The following CD101 variants were observed in gnomAD, a reference collection of about 807,000 sequenced individuals.
The protein encoded by CD101 is immunoglobulin superfamily member 2.
CD101 carries 76 observed loss-of-function variants against 98.2 expected under a neutral mutation model. The ratio of observed to expected loss-of-function variants is 0.77; its 90% CI spans 0.64 to 0.94. CD101 has a LOEUF of 0.94. Ranked by LOEUF, CD101 falls within the 40% of genes least tolerant of loss-of-function variation. CD101 has a pLI of 0.00. For synonymous variants in CD101, 471 were observed against 472.7 expected (o/e 1.00, Z 0.05); for missense variants, 1,145 against 1,218.8 (o/e 0.94, Z 0.90).
rs1368364123 is a variant in CD101 at position 117,011,933 on chromosome 1, A to T, written c.808A>T (p.Thr270Ser). The T allele has an allele frequency of 6.2e-7, 1 of 1,613,668 alleles. No homozygotes were observed. The highest frequency in any genetic ancestry group is 8.5e-7 in the Non-Finnish European group (1 of 1,179,702). ...ETWMFITKKQ[T>S]DQTTLRIQPA... is the part of the protein sequence containing the mutation. ...TTGGATGTTCATCACCAAAAAGCAG[A>T]CCGATCAAACCACTCTGAGGATCCA... is the stretch of plus-strand genomic sequence containing the variant. Residue 270 changes from threonine to serine, a missense_variant, in exon 3 of 10, where the codon ACC (threonine) becomes TCC (serine). Thr to Ser is a moderately conservative substitution (Grantham distance 58). Transcript: ENST00000682167.
At chr1:117,028,935 T>A (rs1265558270) in intron 8 of CD101, among the ~76,000 whole-genome samples, 1 of 151,624 alleles carries the variant, frequency 6.6e-6, no homozygotes, top group Non-Finnish European at 1.5e-5. Context: ...GCAAAAGTTG[T>A]CAAAAAAAAG....
chr1:117,004,301 G>T lies in CD101; in HGVS notation c.43+2441G>T, dbSNP rs2101109706. 6.6e-6 allele frequency among the ~76,000 whole-genome samples: 1 copy of T among 152,272 alleles called. No individual in the cohort carries two copies. The highest frequency in any genetic ancestry group is 2.4e-5 in the African/African-American group (1 of 41,556). ...GAGAAAGAAGCTGCTTGTTATGTTG[G>T]CTATTCCTGAGGTAGGTTTTGTATA... On this transcript the variant is annotated intron_variant, in intron 1 of 9. Transcript: ENST00000682167. The surrounding 1 kb of genome is among the most constrained non-coding windows in gnomAD (Gnocchi z 4.1).
At position 117,018,795 on chromosome 1, in the gene CD101, A is replaced by G. The variant is rs1557772404; in HGVS notation, c.2017+235A>G. 1.3e-5 allele frequency among the ~76,000 whole-genome samples: 2 copies of G among 151,976 alleles called. No homozygotes were observed. The highest frequency in any genetic ancestry group is 2.9e-5 in the Non-Finnish European group (2 of 68,002). ...CCATGCTGGCTAATTGCTGCTCTCTACCCATTCCCCATTTTCCCCTAAGTT... is the reference window on the plus strand; with the variant it reads ...CCATGCTGGCTAATTGCTGCTCTCTGCCCATTCCCCATTTTCCCCTAAGTT... On this transcript the variant is annotated intron_variant, in intron 6 of 9. Coordinates refer to ENST00000682167, the MANE Select transcript of CD101 (RefSeq NM_001256106.3). This position sits in a 1 kb window ranked among gnomAD's most constrained non-coding sequence, Gnocchi z 4.3.
At chr1:117,026,676 T>C (rs2101149229) in intron 8 of CD101, 1 of 152,340 alleles carries the variant, frequency 6.6e-6, no homozygotes, top group East Asian at 1.9e-4. Flanking sequence ...GTATACAGTC[T>C]GTGATGAAAA....
At chr1:117,008,476 T>A (rs1052340736) in intron 1 of CD101, among the ~76,000 whole-genome samples, 54 of 151,416 alleles carry the variant, frequency 3.6e-4, no homozygotes, top group African/African-American at 2.4e-5. Context: ...AAAAAAAAAA[T>A]TATTACTAGA....
In CD101 at chr1:117,025,813, G is replaced by A. The variant is rs1259438139; in HGVS notation, c.2733G>A (p.Val911=). ...ATGCAGGAATGTACTGGTGTAGGGT[G>A]GCAGAGTGGCAGCTCCATGGACACC... The part of the protein sequence containing the change: ...MEDAGMYWCR[V]AEWQLHGHPS... Residue 911 remains valine, a synonymous_variant, in exon 8 of 10, where the codon GTG becomes GTA. Coordinates refer to ENST00000682167, the MANE Select transcript of CD101 (RefSeq NM_001256106.3). 3 of 1,614,156 alleles carry A rather than the reference G, an allele frequency of 1.9e-6. No homozygotes were observed. The highest frequency in any genetic ancestry group is 1.7e-6 in the Non-Finnish European group (2 of 1,180,032).
At chr1:117,002,082 C>T (rs1417722068) in intron 1 of CD101, among the ~76,000 whole-genome samples, 2 of 152,190 alleles carry the variant, frequency 1.3e-5, no homozygotes, top group Non-Finnish European at 2.9e-5. Context: ...GCACAAGATT[C>T]CATTGGTTTT....
At position 117,018,158 on chromosome 1, in the gene CD101, T is replaced by G; in HGVS notation, c.1615T>G (p.Ser539Ala). 1 of 1,578,726 alleles carries G rather than the reference T, an allele frequency of 6.3e-7. No homozygotes were observed. Among genetic ancestry groups the G allele is most frequent in the Non-Finnish European group, 8.6e-7 (1 of 1,161,438 alleles). Residue 539 changes from serine to alanine, a missense_variant and splice_region_variant, in exon 6 of 10, where the codon TCA (serine) becomes GCA (alanine). Physicochemically the swap from Ser to Ala is moderately conservative, Grantham distance 99. Coordinates refer to ENST00000682167, the MANE Select transcript of CD101 (RefSeq NM_001256106.3). The surrounding 1 kb of genome is among the most constrained non-coding windows in gnomAD (Gnocchi z 4.3). The stretch of plus-strand genomic sequence containing the variant: ...TTCTGTTTCATTTTTCTGTCTAGAG[T>G]CAAGTTTACAAGTTAGTCTGATGAG... ...KISVTVKSLE[S>A]SLQVSLMSRQ...
intron 3 of CD101, 142 bp from the exon 4 acceptor site, chr1:117,013,264 G>A (rs998971360): frequency 1.0e-5 from 10 of 986,592 alleles, no homozygotes; most frequent in African/African-American, 8.1e-5. Context: ...GTTTTTTTTG[G>A]GTTTACCTAC....
chr1:117,013,214 T>G (rs1381282622), intron 3 of CD101, among the ~76,000 whole-genome samples, 192 bp from the exon 4 acceptor site: 1 of 152,192 alleles, frequency 6.6e-6, no homozygotes, highest in Non-Finnish European at 1.5e-5. Context: ...TCTGGGTGAT[T>G]TAAGGAAGAG....
chr1:117,028,868 G>C (rs1187072005), intron 8 of CD101, among the ~76,000 whole-genome samples: 4 of 152,154 alleles, frequency 2.6e-5, no homozygotes, highest in Non-Finnish European at 5.9e-5. Flanking sequence ...GCACATCAAT[G>C]CAGATTGCTC....
rs1652430544 is a variant in CD101 at position 117,004,738 on chromosome 1, G to T, written c.43+2878G>T. On this transcript the variant is annotated intron_variant, in intron 1 of 9. Transcript: ENST00000682167. This position sits in a 1 kb window ranked among gnomAD's most constrained non-coding sequence, Gnocchi z 4.1. ...GCCCCAGTGCATAGCCATTTGAGTT[G>T]ATCTCTGCCAGTCATGCCTTCTACC... Among the ~76,000 whole-genome samples the T allele has an allele frequency of 6.6e-6, 1 of 152,012 alleles. No individual in the cohort carries two copies. Among genetic ancestry groups the T allele is most frequent in the South Asian group, 2.1e-4 (1 of 4,814 alleles).
chr1:117,021,885 A>G lies in CD101; in HGVS notation c.2330A>G (p.His777Arg). The G allele has an allele frequency of 6.2e-7, 1 of 1,614,024 alleles. No homozygotes were observed. Among genetic ancestry groups the G allele is most frequent in the Non-Finnish European group, 8.5e-7 (1 of 1,179,908 alleles). Residue 777 changes from histidine (H) to arginine (R), a missense_variant, in exon 7 of 10, where the codon CAC (histidine) becomes CGC (arginine). Transcript: ENST00000682167. This position sits in a 1 kb window ranked among gnomAD's most constrained non-coding sequence, Gnocchi z 4.7. Reference protein sequence around the residue: ...NVEDSDRGKYHCAVEEWLLST... With the variant: ...NVEDSDRGKYRCAVEEWLLST... ...GAAGACAGCGATCGGGGCAAATATC[A>G]CTGTGCTGTGGAGGAATGGCTCCTG...
intron 9 of CD101, chr1:117,034,344 C>T (rs1261688466): frequency 3.8e-6 from 2 of 520,818 alleles, no homozygotes; most frequent in Non-Finnish European, 6.9e-6. Flanking sequence ...CATTACCCTA[C>T]ATCTCTTGAA....
Position 117,010,030 on chromosome 1 carries a change from C to A in CD101, c.224C>A (p.Thr75Asn). The change falls in exon 2 of 10, where the codon ACC becomes AAC. Residue 75 changes from threonine to asparagine, a missense_variant. Transcript: ENST00000682167. This position sits in a 1 kb window ranked among gnomAD's most constrained non-coding sequence, Gnocchi z 5.2. ...NPTQEVQIISTKDAAFSYAVY... is the reference protein window; with the variant it reads ...NPTQEVQIISNKDAAFSYAVY... ...ACCCAGGAAGTCCAGATCATTAGCACCAAGGATGCTGCCTTCTCTTACGCA... is the reference window on the plus strand; with the variant it reads ...ACCCAGGAAGTCCAGATCATTAGCAACAAGGATGCTGCCTTCTCTTACGCA... 6.2e-7 allele frequency: 1 copy of A among 1,614,204 alleles called. No individual in the cohort carries two copies.
chr1:117,018,861 G>A lies in CD101; in HGVS notation c.2017+301G>A, dbSNP rs1653409028. ...CTAAAGGGTACCACGTGGCACAGCAGGGGGCCTCTAGGACCTGGCTAGAGG... is the reference window on the plus strand; with the variant it reads ...CTAAAGGGTACCACGTGGCACAGCAAGGGGCCTCTAGGACCTGGCTAGAGG... On this transcript the variant is annotated intron_variant, in intron 6 of 9. Coordinates refer to ENST00000682167, the MANE Select transcript of CD101 (RefSeq NM_001256106.3). This position sits in a 1 kb window ranked among gnomAD's most constrained non-coding sequence, Gnocchi z 4.3. Among the ~76,000 whole-genome samples, 1 of 152,196 alleles carries A rather than the reference G, an allele frequency of 6.6e-6. No homozygotes were observed. Among genetic ancestry groups the A allele is most frequent in the Non-Finnish European group, 1.5e-5 (1 of 68,046 alleles).
At chr1:117,031,177 G>A (rs1232254825) in intron 8 of CD101, among the ~76,000 whole-genome samples, 1 of 152,180 alleles carries the variant, frequency 6.6e-6, no homozygotes, top group Admixed American at 6.5e-5. Flanking sequence ...GTTGCTAGCT[G>A]TTGGCCACTT....
chr1:117,003,662 A>T (rs947691786), intron 1 of CD101, among the ~76,000 whole-genome samples: 1 of 152,340 alleles, frequency 6.6e-6, no homozygotes, highest in African/African-American at 2.4e-5. Flanking sequence ...TTTGGTAAGC[A>T]GGCTAGAAGC....
rs1652467586 is a variant in CD101, at chr1:117,005,312, T to C, written c.43+3452T>C. On this transcript the variant is annotated intron_variant, in intron 1 of 9. Transcript: ENST00000682167. The surrounding 1 kb of genome is among the most constrained non-coding windows in gnomAD (Gnocchi z 4.4). The stretch of plus-strand genomic sequence containing the variant: ...CTCTTTCTAGCTGCCATCCTAATCT[T>C]CATTTTTCCTTCTCCATGAAACTCC... Among the ~76,000 whole-genome samples the C allele has an allele frequency of 6.6e-6, 1 of 152,128 alleles. No homozygotes were observed. The highest frequency in any genetic ancestry group is 2.1e-4 in the South Asian group (1 of 4,824).
Sources: allele counts gnomAD v4.1 joint callset (sites outside exome capture counted in the v4.1 genomes callset), GRCh38; gene constraint gnomAD v4.1.1; non-coding constraint Gnocchi (gnomAD v3.1); transcripts MANE v1.5; gene names NCBI Gene and HGNC (gene_info 2026-07-23, HGNC 2026-07-21).